The following NDST4 variants were observed in gnomAD, a reference collection of about 807,000 sequenced individuals.
NDST4 encodes N-deacetylase and N-sulfotransferase 4, also known as N-heparan sulfate sulfotransferase 4.
NDST4 carries 63 observed loss-of-function variants against 100.8 expected under a neutral mutation model. The observed-to-expected ratio is 0.62, with a 90% confidence interval of 0.51 to 0.77. The LOEUF (loss-of-function observed/expected upper bound fraction) is 0.77. Among genes scored for constraint, NDST4 ranks in the 30% least tolerant of loss-of-function variants. The probability of loss-of-function intolerance (pLI) is 0.00; values close to 1 mark genes in which losing one functional copy is unlikely to be tolerated. For missense variants in NDST4, 943 were observed against 1,018.4 expected (o/e 0.93, Z 1.01); for synonymous variants, 377 against 361.8 (o/e 1.04, Z -0.48).
At chr4:115,073,080 A>G (rs1729109811) in intron 2 of NDST4, among the ~76,000 whole-genome samples, 1 of 151,980 alleles carries the variant, frequency 6.6e-6, no homozygotes, top group Non-Finnish European at 1.5e-5. Flanking sequence ...TAACATCGCT[A>G]ACTATCAGGG....
intron 6 of NDST4, among the ~76,000 whole-genome samples, chr4:114,924,610 TC>T (rs1000641162): frequency 1.3e-5 from 2 of 152,224 alleles, no homozygotes; most frequent in South Asian, 4.1e-4. Flanking sequence ...TGCTTCAAAG[TC>T]CCTGTCTAGA....
chr4:115,071,879 A>T (rs913835581), intron 2 of NDST4, among the ~76,000 whole-genome samples: 1 of 152,170 alleles, frequency 6.6e-6, no homozygotes, highest in Non-Finnish European at 1.5e-5. Flanking sequence ...TTTTCTATGG[A>T]CATATAAGTA....
At chr4:114,961,797 A>G (rs1294500505) in intron 4 of NDST4, among the ~76,000 whole-genome samples, 1 of 152,212 alleles carries the variant, frequency 6.6e-6, no homozygotes, top group Non-Finnish European at 1.5e-5. Flanking sequence ...CCCTTTATAC[A>G]TAAAAAAAGA....
At chr4:115,019,939 A>G (rs966171392) in intron 2 of NDST4, among the ~76,000 whole-genome samples, 7 of 152,114 alleles carry the variant, frequency 4.6e-5, no homozygotes, top group Admixed American at 2.0e-4. Context: ...GTATATTACA[A>G]ATTAGCCAGT....
chr4:114,995,828 G>C (rs1305848635), intron 2 of NDST4, among the ~76,000 whole-genome samples: 1 of 151,920 alleles, frequency 6.6e-6, no homozygotes, highest in Non-Finnish European at 1.5e-5. Context: ...TAGAAACTTG[G>C]GTTGTCCACT....
At chr4:115,078,840 G>A (rs949920226) in intron 1 of NDST4, among the ~76,000 whole-genome samples, 4 of 151,302 alleles carry the variant, frequency 2.6e-5, no homozygotes, top group Admixed American at 6.6e-5. Context: ...ACTCTCTTCC[G>A]CCCCCACCAA....
intron 6 of NDST4, among the ~76,000 whole-genome samples, chr4:114,890,313 A>G (rs1383123228): frequency 6.6e-6 from 1 of 152,112 alleles, no homozygotes; most frequent in Non-Finnish European, 1.5e-5. Flanking sequence ...CACGATGACT[A>G]TAAGTAAATT....
At chr4:114,956,249 T>C (rs1726139017) in intron 4 of NDST4, among the ~76,000 whole-genome samples, 1 of 152,148 alleles carries the variant, frequency 6.6e-6, no homozygotes, top group African/African-American at 2.4e-5. Flanking sequence ...GTTACCTTTA[T>C]CTCTGAGCAG....
At chr4:115,066,319 T>A (rs1365098077) in intron 2 of NDST4, among the ~76,000 whole-genome samples, 1 of 152,224 alleles carries the variant, frequency 6.6e-6, no homozygotes, top group African/African-American at 2.4e-5. Context: ...CCCTATTTGC[T>A]TCCATAAAGG....
intron 6 of NDST4, among the ~76,000 whole-genome samples, chr4:114,888,514 T>C (rs1051394890): frequency 6.6e-6 from 1 of 152,166 alleles, no homozygotes; most frequent in African/African-American, 2.4e-5. Flanking sequence ...GCGACTGCCT[T>C]ATAATGCTCA....
intron 6 of NDST4, among the ~76,000 whole-genome samples, chr4:114,877,686 C>T (rs1267888456): frequency 2.6e-5 from 4 of 152,186 alleles, no homozygotes; most frequent in African/African-American, 9.7e-5. Flanking sequence ...CAATGGTTCA[C>T]GCCTGTAATC....
chr4:115,079,949 T>A (rs977241156), intron 1 of NDST4, among the ~76,000 whole-genome samples: 1 of 152,096 alleles, frequency 6.6e-6, no homozygotes, highest in Non-Finnish European at 1.5e-5. Flanking sequence ...AAATTAAAAA[T>A]TTTCATCAAA....
At chr4:114,868,717 G>T (rs549441984) in intron 7 of NDST4, among the ~76,000 whole-genome samples, 1 of 151,842 alleles carries the variant, frequency 6.6e-6, no homozygotes, top group African/African-American at 2.4e-5. Flanking sequence ...AGCAAAGGGA[G>T]TCTTTCAGTA....
intron 6 of NDST4, among the ~76,000 whole-genome samples, chr4:114,889,824 T>A (rs1225024162): frequency 6.6e-6 from 1 of 152,174 alleles, no homozygotes; most frequent in Non-Finnish European, 1.5e-5. Context: ...GGAATTTTTT[T>A]ATTTTCCCAG....
At chr4:114,856,341 A>C (rs1207486342) in intron 7 of NDST4, among the ~76,000 whole-genome samples, 1 of 152,136 alleles carries the variant, frequency 6.6e-6, no homozygotes, top group Non-Finnish European at 1.5e-5. Context: ...TGGGATTAGC[A>C]TGAGCCACTG....
intron 6 of NDST4, among the ~76,000 whole-genome samples, chr4:114,899,092 C>T (rs1017816751): frequency 6.6e-6 from 1 of 152,112 alleles, no homozygotes; most frequent in African/African-American, 2.4e-5. Flanking sequence ...ACATCCTTGC[C>T]TTCTTCCTGA....
At chr4:115,057,500 A>G (rs1728721085) in intron 2 of NDST4, among the ~76,000 whole-genome samples, 2 of 152,166 alleles carry the variant, frequency 1.3e-5, no homozygotes, top group African/African-American at 4.8e-5. Flanking sequence ...AGCGGCCTGC[A>G]GAAAAATGCC....
chr4:114,931,556 A>G (rs1294242410), intron 6 of NDST4, among the ~76,000 whole-genome samples: 1 of 151,876 alleles, frequency 6.6e-6, no homozygotes, highest in East Asian at 1.9e-4. Context: ...GAAAATATCA[A>G]TGAAACTAAG....
intron 2 of NDST4, among the ~76,000 whole-genome samples, chr4:115,033,157 A>ATATT (rs1491126767): frequency 3.4e-3 from 205 of 59,916 alleles, no homozygotes; most frequent in South Asian, 0.016. Flanking sequence ...ATATATATAT[A>ATATT]TTTTTTTTTT....
Sources: allele counts gnomAD v4.1 joint callset (sites outside exome capture counted in the v4.1 genomes callset), GRCh38; gene constraint gnomAD v4.1.1; transcripts MANE v1.5; gene names NCBI Gene and HGNC (gene_info 2026-07-23, HGNC 2026-07-21).